The following GNS variants were observed in gnomAD, a reference collection of about 807,000 sequenced individuals.
GNS encodes glucosamine (N-acetyl)-6-sulfatase.
GNS carries 40 observed loss-of-function variants against 69.7 expected under a neutral mutation model. The ratio of observed to expected loss-of-function variants is 0.57; its 90% CI spans 0.45 to 0.75. The LOEUF is 0.75. Among genes scored for constraint, GNS ranks in the 30% least tolerant of loss-of-function variants. The pLI is 0.00. For synonymous variants in GNS, 243 were observed against 251.6 expected, an observed-to-expected ratio of 0.97 and a Z score of 0.32; for missense variants, 565 against 685.5, an observed-to-expected ratio of 0.82 and a Z score of 1.96.
At chr12:64,724,523 C>T (rs527855105) in intron 10 of GNS, among the ~76,000 whole-genome samples, 16 of 152,246 alleles carry the variant, frequency 1.1e-4, no homozygotes, top group East Asian at 9.7e-4. Context: ...CAATCCTGTG[C>T]GGCTCAGGAT....
chr12:64,720,833 C>A (rs545949923), intron 12 of GNS, among the ~76,000 whole-genome samples: 2 of 152,280 alleles, frequency 1.3e-5, no homozygotes, highest in African/African-American at 4.8e-5. Context: ...GGTAATTTTG[C>A]CTATAATGGC....
At chr12:64,732,047 T>G in intron 9 of GNS, among the ~76,000 whole-genome samples, 1 of 151,858 alleles carries the variant, frequency 6.6e-6, no homozygotes. Context: ...AGTGCAATGG[T>G]GCGATCTCGG....
chr12:64,720,756 C>G (rs759776472), intron 12 of GNS, among the ~76,000 whole-genome samples: 4 of 152,188 alleles, frequency 2.6e-5, no homozygotes, highest in African/African-American at 9.7e-5. Flanking sequence ...TAACGCAGTA[C>G]TTTTCCCTCT....
At chr12:64,757,810 C>T (rs1022544126) in intron 1 of GNS, among the ~76,000 whole-genome samples, 1 of 152,182 alleles carries the variant, frequency 6.6e-6, no homozygotes, top group Non-Finnish European at 1.5e-5. Flanking sequence ...TCATAACTCA[C>T]TCAAGGGTTG....
intron 4 of GNS, 36 bp downstream of exon 4, chr12:64,745,623 T>G (rs781733062): frequency 9.0e-7 from 1 of 1,111,332 alleles, no homozygotes; most frequent in East Asian, 2.3e-5. Flanking sequence ...TCTGTAGGGC[T>G]GCATAAAATT....
chr12:64,729,096 G>C (rs1565882505), intron 9 of GNS, 39 bp from the exon 10 acceptor site: 1 of 1,082,856 alleles, frequency 9.2e-7, no homozygotes, highest in Non-Finnish European at 1.4e-6. Flanking sequence ...AACACAGCTG[G>C]TCTCATTTTC....
intron 8 of GNS, among the ~76,000 whole-genome samples, chr12:64,739,110 C>G (rs1869644048): frequency 6.6e-6 from 1 of 152,114 alleles, no homozygotes. Context: ...AAATGCCTTC[C>G]ATACGGCCTG....
chr12:64,744,860 C>T lies in GNS; in HGVS notation c.573G>A (p.Lys191=). 1 of 1,569,882 alleles carries T rather than the reference C, an allele frequency of 6.4e-7. No individual in the cohort carries two copies. Among genetic ancestry groups the T allele is most frequent in the Non-Finnish European group, 8.8e-7 (1 of 1,139,680 alleles). The change falls in exon 5 of 14, where the codon AAG becomes AAA. Residue 191 remains lysine (K), a synonymous_variant. Transcript: ENST00000258145. ...YYNYTLSING[K]ARKHGENYSV... is the part of the protein sequence containing the mutation. ...TATAGTTTTCACCATGCTTCCGTGCCTTCCCATTGATAGACAGGGTGTAAT... is the reference window on the plus strand; with the variant it reads ...TATAGTTTTCACCATGCTTCCGTGCTTTCCCATTGATAGACAGGGTGTAAT...
chr12:64,729,719 C>T (rs1438741747), intron 9 of GNS, among the ~76,000 whole-genome samples: 1 of 152,034 alleles, frequency 6.6e-6, no homozygotes, highest in East Asian at 1.9e-4. Context: ...GACTATTTTC[C>T]TTCTGTAAGA....
chr12:64,726,531 C>T (rs1334148590), intron 10 of GNS, among the ~76,000 whole-genome samples: 1 of 152,088 alleles, frequency 6.6e-6, no homozygotes, highest in Non-Finnish European at 1.5e-5. Flanking sequence ...ACAATATATA[C>T]CTTCAATTCT....
At chr12:64,748,026 T>C (rs1284871046) in intron 2 of GNS, 108 bp from the exon 3 acceptor site, 5 of 729,780 alleles carry the variant, frequency 6.9e-6, no homozygotes, top group Non-Finnish European at 1.2e-5. Context: ...ACTTCAAATA[T>C]GTAGTTTCTC....
chr12:64,726,967 C>A (rs1202768446), intron 10 of GNS, among the ~76,000 whole-genome samples: 1 of 150,642 alleles, frequency 6.6e-6, no homozygotes, highest in Non-Finnish European at 1.5e-5. Flanking sequence ...AATATGAACA[C>A]ATCTCCAAAG....
chr12:64,723,669 A>C (rs1869104247), intron 10 of GNS, among the ~76,000 whole-genome samples: 1 of 152,240 alleles, frequency 6.6e-6, no homozygotes, highest in Non-Finnish European at 1.5e-5. Flanking sequence ...AAGTGGCAGC[A>C]TTTGAAAGCA....
Position 64,716,459 on chromosome 12 carries a change from C to T in GNS, c.*282G>A. 2.1e-6 allele frequency: 1 copy of T among 471,508 alleles called. No homozygotes were observed. Among genetic ancestry groups the T allele is most frequent in the Non-Finnish European group, 3.9e-6 (1 of 256,430 alleles). 29.2% of individuals were successfully genotyped at this position (471,508 alleles called of 1,614,324 possible). A position where few individuals can be genotyped will look rare whatever the true frequency, so the allele number is the denominator to read the frequency against. ...AAGAGGAATAATCAAGAACTGTGGC[C>T]CCAGGATAAAAAGAATACAGTGAGA... On this transcript the variant is annotated 3_prime_UTR_variant, in exon 14 of 14. Transcript: ENST00000258145.
At chr12:64,742,826 C>T (rs1274095887) in intron 6 of GNS, among the ~76,000 whole-genome samples, 1 of 152,190 alleles carries the variant, frequency 6.6e-6, no homozygotes, top group East Asian at 1.9e-4. Flanking sequence ...CTGGTGCAGT[C>T]CCGGCTATGC....
At chr12:64,743,004 T>C in intron 6 of GNS, 137 bp downstream of exon 6, 1 of 773,860 alleles carries the variant, frequency 1.3e-6, no homozygotes, top group Non-Finnish European at 2.4e-6. Flanking sequence ...TACTATTGGT[T>C]GTACTAGGGA....
intron 7 of GNS, 72 bp downstream of exon 7, chr12:64,740,534 G>C: frequency 1.2e-6 from 1 of 829,540 alleles, no homozygotes; most frequent in Non-Finnish European, 2.2e-6. Flanking sequence ...AATGTGGTGT[G>C]GTCTCCTCTT....
chr12:64,723,054 G>A lies in GNS; in HGVS notation c.1260C>T (p.Gly420=). ...SDVLVEYQGE[G]RNVTDPTCPS... is the part of the protein sequence containing the mutation. Reference sequence around the variant, plus strand: ...GGCATGTTGGGTCAGTGACGTTACGGCCTTCTCCTTGGTATTCCACCAGGA... The same window carrying A: ...GGCATGTTGGGTCAGTGACGTTACGACCTTCTCCTTGGTATTCCACCAGGA... Residue 420 remains glycine (G), a synonymous_variant, in exon 11 of 14, where the codon GGC becomes GGT. Coordinates refer to ENST00000258145, the MANE Select transcript of GNS (RefSeq NM_002076.4). 6.2e-7 allele frequency: 1 copy of A among 1,612,892 alleles called. No homozygotes were observed. The highest frequency in any genetic ancestry group is 8.5e-7 in the Non-Finnish European group (1 of 1,178,852).
chr12:64,731,818 C>A (rs370266945), intron 9 of GNS, among the ~76,000 whole-genome samples: 2 of 152,110 alleles, frequency 1.3e-5, no homozygotes, highest in African/African-American at 4.8e-5. Context: ...CGCTGGTAAT[C>A]CCAGCACTTT....
Sources: allele counts gnomAD v4.1 joint callset (sites outside exome capture counted in the v4.1 genomes callset), GRCh38; gene constraint gnomAD v4.1.1; transcripts MANE v1.5; gene names NCBI Gene and HGNC (gene_info 2026-07-23, HGNC 2026-07-21).